Variants in ZYG11A observed in about 807,000 individuals in gnomAD.
ZYG11A encodes the protein zyg-11 family member A, cell cycle regulator.
In ZYG11A, 62 loss-of-function variants were observed where a neutral mutation model predicts 77.2. The ratio of observed to expected loss-of-function variants is 0.80; its 90% confidence interval spans 0.65 to 0.99. ZYG11A has a LOEUF of 0.99. ZYG11A is among the 50% of genes least tolerant of loss of function. The pLI is 0.00. For synonymous variants in ZYG11A, 315 were observed against 324.6 expected (o/e 0.97, Z 0.32); for missense variants, 828 against 896.8 (o/e 0.92, Z 0.98).
Position 52,842,887 on chromosome 1 carries a change from G to C in ZYG11A, c.4G>C (p.Val2Leu). 1 of 1,532,312 alleles carries C rather than the reference G, an allele frequency of 6.5e-7. No homozygotes were observed. The highest frequency in any genetic ancestry group is 1.2e-5 in the South Asian group (1 of 81,776). The allele number at this position is 1,532,312 out of a possible 1,614,324, so 94.9% of individuals were successfully genotyped here. A position where few individuals can be genotyped will look rare whatever the true frequency, so the allele number is the denominator to read the frequency against. ...ACGCCCCGCCGCCGGGGTTGCCATG[G>C]TTCATTTCTTGCACCCGGGCCACAC... Reference protein sequence around the residue: MVHFLHPGHTPR... With the variant: MLHFLHPGHTPR... Residue 2 changes from valine to leucine, a missense_variant, in exon 1 of 14, where the codon GTT (valine) becomes CTT (leucine). Physicochemically the swap from Val to Leu is conservative, Grantham distance 32. Transcript: ENST00000371528.
intron 11 of ZYG11A, among the ~76,000 whole-genome samples, chr1:52,883,599 G>C (rs1646397505): frequency 6.6e-6 from 1 of 150,424 alleles, no homozygotes; most frequent in South Asian, 2.1e-4. Context: ...GCTAACTTTT[G>C]TACTTTTAGT....
At chr1:52,888,867 G>A (rs1163535256) in intron 13 of ZYG11A, among the ~76,000 whole-genome samples, 1 of 152,172 alleles carries the variant, frequency 6.6e-6, no homozygotes, top group Non-Finnish European at 1.5e-5. Flanking sequence ...TTAGGAGCTT[G>A]CACATAGACT....
At position 52,842,872 on chromosome 1, in the gene ZYG11A, G is replaced by T. The variant is rs749166708; in HGVS notation, c.-12G>T. ...CCGGCTCTCTTTTTGACGCCCCGCC[G>T]CCGGGGTTGCCATGGTTCATTTCTT... is the stretch of plus-strand genomic sequence containing the variant. On this transcript the variant is annotated 5_prime_UTR_variant, in exon 1 of 14. Coordinates refer to ENST00000371528, the MANE Select transcript of ZYG11A (RefSeq NM_001004339.3). 6.5e-7 allele frequency: 1 copy of T among 1,528,480 alleles called. No homozygotes were observed. Among genetic ancestry groups the T allele is most frequent in the Admixed American group, 2.1e-5 (1 of 48,174 alleles). The allele number at this position is 1,528,480 out of a possible 1,614,324, so 94.7% of individuals were successfully genotyped here. A position where few individuals can be genotyped will look rare whatever the true frequency, so the allele number is the denominator to read the frequency against.
intron 9 of ZYG11A, 21 bp from the exon 10 acceptor site, chr1:52,877,904 A>G (rs1015477602): frequency 3.2e-6 from 5 of 1,551,568 alleles, no homozygotes; most frequent in Non-Finnish European, 4.4e-6. Flanking sequence ...AGTAACCTGT[A>G]TGTATATATT....
intron 11 of ZYG11A, among the ~76,000 whole-genome samples, chr1:52,882,476 T>C (rs1331206461): frequency 6.6e-6 from 1 of 152,194 alleles, no homozygotes; most frequent in Non-Finnish European, 1.5e-5. Context: ...TTTGCCTCTC[T>C]TGTGTTGGAT....
At position 52,881,647 on chromosome 1, in the gene ZYG11A, T is replaced by A. The variant is rs763845904; in HGVS notation, c.1926T>A (p.Arg642=). 4 of 1,551,538 alleles carry A rather than the reference T, an allele frequency of 2.6e-6. No individual in the cohort carries two copies. The African/African-American group carries it at 5.5e-5, about 21-fold the overall frequency. ...QLWISRDFQR[R]TLLQDLHATI... Reference sequence around the variant, plus strand: ...GGATATCCCGTGACTTCCAGAGGCGTACTCTTCTCCAAGATCTGGTACAGG... The same window carrying A: ...GGATATCCCGTGACTTCCAGAGGCGAACTCTTCTCCAAGATCTGGTACAGG... The change falls in exon 11 of 14, where the codon CGT becomes CGA. Residue 642 remains arginine (R), a synonymous_variant. Transcript: ENST00000371528.
chr1:52,867,267 C>A (rs1167481846), intron 6 of ZYG11A, among the ~76,000 whole-genome samples: 1 of 152,184 alleles, frequency 6.6e-6, no homozygotes, highest in African/African-American at 2.4e-5. Context: ...TCAGACCTAT[C>A]ATAGTAGAAA....
At chr1:52,855,468 G>A (rs1161278296) in intron 2 of ZYG11A, among the ~76,000 whole-genome samples, 3 of 151,962 alleles carry the variant, frequency 2.0e-5, no homozygotes, top group African/African-American at 7.3e-5. Context: ...GGGATTACAG[G>A]CGTGAGGCAC....
At chr1:52,892,046 C>G (rs368066936) in intron 13 of ZYG11A, among the ~76,000 whole-genome samples, 4 of 150,832 alleles carry the variant, frequency 2.7e-5, no homozygotes, top group African/African-American at 9.8e-5. Flanking sequence ...CTACAGGTGC[C>G]CACGACCACG....
At chr1:52,856,904 A>G (rs1645823108) in intron 2 of ZYG11A, 94 bp from the exon 3 acceptor site, 2 of 1,293,422 alleles carry the variant, frequency 1.5e-6, no homozygotes, top group Non-Finnish European at 2.1e-6. Context: ...CATTATTGTT[A>G]TTATTAACAT....
rs1441026113 is a variant in ZYG11A, at chr1:52,857,020, C to T, written c.279C>T (p.Ala93=). ...TAGGCAAGCTGACTGACAGAACAGCCAGCATTTTCCGAGGCAACCAAATGA... is the reference window on the plus strand; with the variant it reads ...TAGGCAAGCTGACTGACAGAACAGCTAGCATTTTCCGAGGCAACCAAATGA... The part of the protein sequence containing the change: ...TWQGKLTDRT[A]SIFRGNQMKL... Residue 93 remains alanine (A), a synonymous_variant, in exon 3 of 14, where the codon GCC becomes GCT. Transcript: ENST00000371528. 3.9e-6 allele frequency: 6 copies of T among 1,543,158 alleles called. No homozygotes were observed. Among genetic ancestry groups the T allele is most frequent in the Admixed American group, 2.0e-5 (1 of 50,436 alleles).
rs1458807837 is a variant in ZYG11A, at chr1:52,881,532, A to G, written c.1811A>G (p.His604Arg). ...CTGGTGACCGAAGATGTGCTGAAGC[A>G]TATCAACAGTTTACTCTGTAGCAGG... ...SKLVTEDVLK[H>R]INSLLCSREM... The change falls in exon 11 of 14, where the codon CAT (histidine) becomes CGT (arginine). Residue 604 changes from histidine to arginine, a missense_variant. By Grantham distance (29) the His-to-Arg change is conservative. Coordinates refer to ENST00000371528, the MANE Select transcript of ZYG11A (RefSeq NM_001004339.3). 3 of 1,551,858 alleles carry G rather than the reference A, an allele frequency of 1.9e-6. No individual in the cohort carries two copies. The highest frequency in any genetic ancestry group is 2.0e-5 in the Admixed American group (1 of 50,976).
chr1:52,877,990 T>C, intron 10 of ZYG11A, 21 bp downstream of exon 10: 1 of 1,549,352 alleles, frequency 6.5e-7, no homozygotes, highest in Non-Finnish European at 8.7e-7. Context: ...TTGTTTTGAA[T>C]TAATTTTAAT....
At chr1:52,852,157 A>AC (rs1645725839) in intron 1 of ZYG11A, among the ~76,000 whole-genome samples, 1 of 147,164 alleles carries the variant, frequency 6.8e-6, no homozygotes, top group Non-Finnish European at 1.5e-5. Context: ...CTCATGATCC[A>AC]CCCACCTCAG....
At chr1:52,888,598 T>A (rs907672973) in intron 13 of ZYG11A, among the ~76,000 whole-genome samples, 3 of 152,212 alleles carry the variant, frequency 2.0e-5, no homozygotes, top group African/African-American at 7.2e-5. Context: ...CCTCAGGTGA[T>A]CTGCCCGCCT....
At chr1:52,878,110 T>G (rs1208527240) in intron 10 of ZYG11A, 141 bp downstream of exon 10, 3 of 710,926 alleles carry the variant, frequency 4.2e-6, no homozygotes, top group Non-Finnish European at 7.0e-6. Flanking sequence ...CCCTACAGAG[T>G]AAATACTATT....
At position 52,857,638 on chromosome 1, in the gene ZYG11A, T is replaced by A; in HGVS notation, c.897T>A (p.Thr299=). 1 of 1,552,116 alleles carries A rather than the reference T, an allele frequency of 6.4e-7. No individual in the cohort carries two copies. ...SLDISGGNCI[T]DEAVELFIRL... is the part of the protein sequence containing the mutation. Reference sequence around the variant, plus strand: ...ATATTTCTGGGGGCAATTGCATCACTGATGAAGCTGTAGAACTGTTTATAC... The same window carrying A: ...ATATTTCTGGGGGCAATTGCATCACAGATGAAGCTGTAGAACTGTTTATAC... The change falls in exon 3 of 14, where the codon ACT becomes ACA. Residue 299 remains threonine, a synonymous_variant. Coordinates refer to ENST00000371528, the MANE Select transcript of ZYG11A (RefSeq NM_001004339.3).
intron 1 of ZYG11A, among the ~76,000 whole-genome samples, chr1:52,846,883 T>G (rs1169216759): frequency 5.6e-4 from 75 of 133,396 alleles, no homozygotes; most frequent in Admixed American, 2.0e-3. Context: ...TTTTTTTTTT[T>G]GTCGCCCAGG....
chr1:52,872,367 G>A (rs1366857683), intron 8 of ZYG11A, among the ~76,000 whole-genome samples: 1 of 151,988 alleles, frequency 6.6e-6, no homozygotes, highest in African/African-American at 2.4e-5. Flanking sequence ...GTCTCCCAAA[G>A]TGCTGGGATT....
Sources: allele counts gnomAD v4.1 joint callset (sites outside exome capture counted in the v4.1 genomes callset), GRCh38; gene constraint gnomAD v4.1.1; transcripts MANE v1.5; gene names NCBI Gene and HGNC (gene_info 2026-07-23, HGNC 2026-07-21).